Variants in RBFOX3 observed in about 807,000 individuals in gnomAD.
RBFOX3 encodes the protein RNA binding fox-1 homolog 3.
A neutral mutation model predicts 48.7 loss-of-function variants in RBFOX3; 17 were observed. The ratio of observed to expected loss-of-function variants is 0.35; its 90% confidence interval spans 0.24 to 0.52. The LOEUF (loss-of-function observed/expected upper bound fraction) is 0.52, where lower values mean the gene tolerates loss of function less well. Among genes scored for constraint, RBFOX3 ranks in the 20% least tolerant of loss-of-function variants. The pLI is 0.94. For missense variants in RBFOX3, 382 were observed against 497.5 expected (o/e 0.77, Z 2.21); for synonymous variants, 212 against 209.5 (o/e 1.01, Z -0.10).
intron 2 of RBFOX3, among the ~76,000 whole-genome samples, chr17:79,370,469 T>A (rs2058368033): frequency 6.6e-6 from 1 of 151,938 alleles, no homozygotes; most frequent in Admixed American, 6.6e-5. Context: ...CATACTAACA[T>A]ACACTCACAC....
intron 4 of RBFOX3, among the ~76,000 whole-genome samples, chr17:79,206,021 C>T (rs2057436374): frequency 6.6e-6 from 1 of 152,102 alleles, no homozygotes; most frequent in South Asian, 2.1e-4. Flanking sequence ...GGAAATCAGG[C>T]TCATTGAGCT....
At position 79,311,044 on chromosome 17, in the gene RBFOX3, GGGCTTCATCCAGTCAGTCGAAA is replaced by G. The variant is rs1432350418; in HGVS notation, c.-174-3242_-174-3221del. Among the ~76,000 whole-genome samples, 1 of 152,130 alleles carries G rather than the reference GGGCTTCATCCAGTCAGTCGAAA, an allele frequency of 6.6e-6. No homozygotes were observed. The highest frequency in any genetic ancestry group is 1.5e-5 in the Non-Finnish European group (1 of 68,022). ...ATGGCCTTTCTTAATGTGGGTGGGT[GGGCTTCATCCAGTCAGTCGAAA>G]GGCTTCATCCGGTCAGTTAAAAGGC... On this transcript the variant is annotated intron_variant, in intron 2 of 14. Transcript: ENST00000693108. This position sits in a 1 kb window ranked among gnomAD's most constrained non-coding sequence, Gnocchi z 4.2.
At chr17:79,555,670 A>ATGATAGTCATGATGGTGGTGATGGTGG in intron 1 of RBFOX3, among the ~76,000 whole-genome samples, 1 of 151,292 alleles carries the variant, frequency 6.6e-6, no homozygotes, top group Non-Finnish European at 1.5e-5. Flanking sequence ...GGTGATGGTG[A>ATGATAGTCATGATGGTGGTGATGGTGG]TGATAGTCAT....
At chr17:79,147,763 C>T (rs1270425472) in intron 4 of RBFOX3, among the ~76,000 whole-genome samples, 1 of 152,214 alleles carries the variant, frequency 6.6e-6, no homozygotes, top group East Asian at 1.9e-4. Flanking sequence ...CCCCTGGTGC[C>T]CAGTACCTGG....
At chr17:79,248,404 G>T (rs2063473055) in intron 3 of RBFOX3, among the ~76,000 whole-genome samples, 1 of 152,164 alleles carries the variant, frequency 6.6e-6, no homozygotes, top group South Asian at 2.1e-4. Flanking sequence ...TGGCTTTGAA[G>T]TGATTAAAAG....
intron 4 of RBFOX3, among the ~76,000 whole-genome samples, chr17:79,218,837 C>T (rs908430090): frequency 6.6e-6 from 1 of 152,206 alleles, no homozygotes; most frequent in Non-Finnish European, 1.5e-5. Flanking sequence ...GAGGCCGGAG[C>T]ACCCGGGCAC....
At chr17:79,140,847 AG>A (rs1423409863) in intron 4 of RBFOX3, among the ~76,000 whole-genome samples, 5 of 152,204 alleles carry the variant, frequency 3.3e-5, no homozygotes, top group Non-Finnish European at 5.9e-5. Context: ...ACCTATCAGA[AG>A]TAGAGATATT....
chr17:79,636,761 C>T, the RBFOX3 span, among the ~76,000 whole-genome samples: 3 of 151,948 alleles, frequency 2.0e-5, no homozygotes, highest in Non-Finnish European at 4.4e-5. Flanking sequence ...AAAGGAACTA[C>T]AAAACAATCA....
rs577696713 is a variant in RBFOX3 at position 79,112,388 on chromosome 17, A to G, written c.222+3106T>C. 5.3e-5 allele frequency among the ~76,000 whole-genome samples: 8 copies of G among 152,250 alleles called. No homozygotes were observed. In the South Asian group the frequency reaches 1.7e-3, roughly 32 times the overall value. On this transcript the variant is annotated intron_variant, in intron 5 of 14. Transcript: ENST00000693108. ...AAGGCCCTGAGTTGGATGAACACGG[A>G]CTTCCCACCAATTGCTGGCTGGAAA...
At chr17:79,402,717 G>A (rs949951466) in intron 2 of RBFOX3, among the ~76,000 whole-genome samples, 1 of 152,222 alleles carries the variant, frequency 6.6e-6, no homozygotes, top group Non-Finnish European at 1.5e-5. Context: ...ACCAGGTGAA[G>A]GCTCAGTGCC....
chr17:79,152,878 A>T (rs913635002), intron 4 of RBFOX3, among the ~76,000 whole-genome samples: 1 of 152,096 alleles, frequency 6.6e-6, no homozygotes, highest in Non-Finnish European at 1.5e-5. Flanking sequence ...CGCATTGCCC[A>T]TTGCTTTCTT....
intron 1 of RBFOX3, among the ~76,000 whole-genome samples, chr17:79,514,263 C>A (rs1327996817): frequency 6.6e-6 from 1 of 152,224 alleles, no homozygotes; most frequent in Non-Finnish European, 1.5e-5. Context: ...CCCTTCCCAA[C>A]AGCATGCACC....
In RBFOX3 at chr17:79,477,487, C is replaced by A. The variant is rs376818716; in HGVS notation, c.-175+4967G>T. On this transcript the variant is annotated intron_variant, in intron 2 of 14. Coordinates refer to ENST00000693108, the MANE Select transcript of RBFOX3 (RefSeq NM_001350451.2). This position sits in a 1 kb window ranked among gnomAD's most constrained non-coding sequence, Gnocchi z 4.8. Reference sequence around the variant, plus strand: ...AGGAGAATGGCGTGAACCCGGGAGGCGGAGTTTGCAGTGAGCTGAGATCGC... The same window carrying A: ...AGGAGAATGGCGTGAACCCGGGAGGAGGAGTTTGCAGTGAGCTGAGATCGC... Among the ~76,000 whole-genome samples the A allele has an allele frequency of 1.3e-5, 2 of 149,492 alleles. No individual in the cohort carries two copies. Among genetic ancestry groups the A allele is most frequent in the Non-Finnish European group, 1.5e-5 (1 of 67,466 alleles).
rs542496391 is a variant in RBFOX3, at chr17:79,535,123, G to A, written c.-319-52525C>T. On this transcript the variant is annotated intron_variant, in intron 1 of 14. Coordinates refer to ENST00000693108, the MANE Select transcript of RBFOX3 (RefSeq NM_001350451.2). The surrounding 1 kb of genome is among the most constrained non-coding windows in gnomAD (Gnocchi z 4.5). ...CCAGGCTGTGGCAGCTGCGGGGTTG[G>A]GCGATTCAGCCCCTCTCTATGCCAC... Among the ~76,000 whole-genome samples, 40 of 152,150 alleles carry A rather than the reference G, an allele frequency of 2.6e-4. No individual in the cohort carries two copies. The highest frequency in any genetic ancestry group is 5.0e-4 in the Non-Finnish European group (34 of 68,024).
intron 1 of RBFOX3, chr17:79,600,531 C>T (rs2093682105): frequency 6.6e-6 from 1 of 152,338 alleles, no homozygotes; most frequent in South Asian, 2.1e-4. Flanking sequence ...CCTCTAAACA[C>T]ATTATCCAGA....
chr17:79,484,770 C>A (rs1439070850), intron 1 of RBFOX3, among the ~76,000 whole-genome samples: 6 of 152,128 alleles, frequency 3.9e-5, no homozygotes, highest in African/African-American at 1.2e-4. Flanking sequence ...AGAACTCACA[C>A]TGCACCAGGC....
intron 1 of RBFOX3, among the ~76,000 whole-genome samples, chr17:79,508,550 G>A (rs917606412): frequency 3.9e-5 from 6 of 152,224 alleles, no homozygotes; most frequent in Admixed American, 6.5e-5. Context: ...CGCTGGCTCG[G>A]CCGAAGCTGA....
intron 2 of RBFOX3, among the ~76,000 whole-genome samples, chr17:79,372,276 C>G (rs1338421798): frequency 6.8e-6 from 1 of 147,876 alleles, no homozygotes; most frequent in Non-Finnish European, 1.5e-5. Flanking sequence ...CCTATGGCTC[C>G]CCTGGGTCCT....
chr17:79,176,114 A>G (rs546429396), intron 4 of RBFOX3, among the ~76,000 whole-genome samples: 2 of 152,188 alleles, frequency 1.3e-5, no homozygotes, highest in East Asian at 3.9e-4. Context: ...CTCCAGGAGG[A>G]ATTTGCGGAA....
Sources: allele counts gnomAD v4.1 joint callset (sites outside exome capture counted in the v4.1 genomes callset), GRCh38; gene constraint gnomAD v4.1.1; non-coding constraint Gnocchi (gnomAD v3.1); transcripts MANE v1.5; gene names NCBI Gene and HGNC (gene_info 2026-07-23, HGNC 2026-07-21).